The following CNBD1 variants were observed in gnomAD, a reference collection of about 807,000 sequenced individuals.
CNBD1 encodes cyclic nucleotide-binding domain-containing protein 1.
Under a neutral mutation model 54.4 loss-of-function variants are expected in CNBD1, and 71 were observed. The ratio of observed to expected loss-of-function variants is 1.30; its 90% CI spans 1.08 to 1.59. The LOEUF is 1.59. Ranked by LOEUF, CNBD1 falls within the 40% of genes most tolerant of loss-of-function variation. The pLI is 0.00. For synonymous variants in CNBD1, 182 were observed against 170.7 expected, an observed-to-expected ratio of 1.07 and a Z score of -0.51; for missense variants, 659 against 518.0, an observed-to-expected ratio of 1.27 and a Z score of -2.64.
chr8:87,275,377 T>A (rs1243070915), intron 6 of CNBD1, among the ~76,000 whole-genome samples: 1 of 151,808 alleles, frequency 6.6e-6, no homozygotes, highest in African/African-American at 2.4e-5. Context: ...GTATGGCCAT[T>A]TTCACGATAT....
intron 3 of CNBD1, among the ~76,000 whole-genome samples, chr8:86,931,841 CT>C (rs1055327334): frequency 6.6e-6 from 1 of 152,162 alleles, no homozygotes; most frequent in African/African-American, 2.4e-5. Context: ...AAGGCCTCCC[CT>C]AGCTGCTTGA....
intron 5 of CNBD1, among the ~76,000 whole-genome samples, chr8:87,233,655 G>C (rs1807512285): frequency 6.6e-6 from 1 of 151,968 alleles, no homozygotes; most frequent in South Asian, 2.1e-4. Flanking sequence ...TCTCCTTTTA[G>C]AGATAGTCTT....
chr8:87,225,310 CTGTCT>C, intron 5 of CNBD1, among the ~76,000 whole-genome samples: 1 of 150,428 alleles, frequency 6.6e-6, no homozygotes, highest in Middle Eastern at 3.4e-3. Context: ...GAGGGCATCC[CTGTCT>C]TGTGCCAGTT....
At chr8:87,317,175 A>G (rs1228405051) in intron 8 of CNBD1, among the ~76,000 whole-genome samples, 1 of 151,672 alleles carries the variant, frequency 6.6e-6, no homozygotes, top group East Asian at 1.9e-4. Context: ...AATTTTCTCC[A>G]TTGATTTTTC....
At chr8:86,918,296 T>G (rs935828612) in intron 3 of CNBD1, among the ~76,000 whole-genome samples, 1 of 152,182 alleles carries the variant, frequency 6.6e-6, no homozygotes, top group Admixed American at 6.5e-5. Flanking sequence ...TGAATGGAAG[T>G]GTTTGACAGA....
intron 4 of CNBD1, among the ~76,000 whole-genome samples, chr8:87,042,057 G>T (rs1810083333): frequency 6.6e-6 from 1 of 152,158 alleles, no homozygotes; most frequent in Non-Finnish European, 1.5e-5. Flanking sequence ...GAGAGGATTT[G>T]CTAATAAATT....
intron 1 of CNBD1, among the ~76,000 whole-genome samples, chr8:86,873,028 C>T (rs536575961): frequency 6.6e-5 from 10 of 151,710 alleles, no homozygotes; most frequent in Middle Eastern, 3.4e-3. Context: ...CAGTAAGCTA[C>T]GATCATGCTA....
chr8:87,060,058 G>T (rs752162322), intron 4 of CNBD1, among the ~76,000 whole-genome samples: 3 of 152,218 alleles, frequency 2.0e-5, no homozygotes, highest in Non-Finnish European at 2.9e-5. Flanking sequence ...TTCCTGGGAA[G>T]TTGCCCAGCC....
At chr8:87,312,705 G>T (rs1422469822) in intron 8 of CNBD1, among the ~76,000 whole-genome samples, 3 of 151,700 alleles carry the variant, frequency 2.0e-5, no homozygotes, top group Admixed American at 2.0e-4. Flanking sequence ...AGTATTTCGA[G>T]GTGTTTTTTT....
intron 4 of CNBD1, among the ~76,000 whole-genome samples, chr8:86,940,208 G>A (rs1393054744): frequency 7.7e-6 from 1 of 130,518 alleles, no homozygotes; most frequent in Non-Finnish European, 1.5e-5. Context: ...TCGGCTCACT[G>A]CAACCTCTGC....
intron 4 of CNBD1, among the ~76,000 whole-genome samples, chr8:87,175,047 C>G (rs1050205497): frequency 3.9e-5 from 6 of 152,286 alleles, no homozygotes; most frequent in African/African-American, 1.4e-4. Flanking sequence ...CTAGGTCTCA[C>G]TCAAGGCCCT....
At chr8:87,205,316 G>A (rs1383542018) in intron 4 of CNBD1, among the ~76,000 whole-genome samples, 1 of 152,130 alleles carries the variant, frequency 6.6e-6, no homozygotes, top group Non-Finnish European at 1.5e-5. Context: ...ACAGGCGTGA[G>A]CCACCACGCC....
chr8:87,289,608 A>T (rs1468163340), intron 8 of CNBD1, among the ~76,000 whole-genome samples: 1 of 152,154 alleles, frequency 6.6e-6, no homozygotes, highest in African/African-American at 2.4e-5. Flanking sequence ...GTAGGATTTG[A>T]TATAGCAAAC....
chr8:87,219,654 G>A (rs1814285120), intron 5 of CNBD1, among the ~76,000 whole-genome samples: 1 of 151,950 alleles, frequency 6.6e-6, no homozygotes, highest in African/African-American at 2.4e-5. Context: ...TGAACAGTTG[G>A]ATGGACAAGT....
chr8:87,129,942 G>A (rs2130725231), intron 4 of CNBD1, among the ~76,000 whole-genome samples: 1 of 152,256 alleles, frequency 6.6e-6, no homozygotes, highest in East Asian at 1.9e-4. Flanking sequence ...CAATCATGGT[G>A]GAAGGCAAGG....
chr8:87,058,976 A>G (rs894191089), intron 4 of CNBD1, among the ~76,000 whole-genome samples: 1 of 152,196 alleles, frequency 6.6e-6, no homozygotes, highest in African/African-American at 2.4e-5. Flanking sequence ...TCACCTCTTA[A>G]ACACTTTACT....
chr8:87,075,652 T>A (rs1451406624), intron 4 of CNBD1, among the ~76,000 whole-genome samples: 1 of 152,160 alleles, frequency 6.6e-6, no homozygotes, highest in Non-Finnish European at 1.5e-5. Context: ...TCTTTGGCCA[T>A]AGCACCTGAT....
At chr8:87,118,617 T>C (rs1442032957) in intron 4 of CNBD1, among the ~76,000 whole-genome samples, 1 of 152,086 alleles carries the variant, frequency 6.6e-6, no homozygotes, top group Non-Finnish European at 1.5e-5. Context: ...CATGGGATCA[T>C]AGAGATAAGG....
At chr8:87,027,258 T>C (rs2974274) in intron 4 of CNBD1, among the ~76,000 whole-genome samples, 20,819 of 151,856 alleles carry the variant, frequency 0.14, 1,889 homozygotes, top group East Asian at 0.37. Context: ...CCCATGGCAG[T>C]TTTATTTTTA....
Sources: allele counts gnomAD v4.1 joint callset (sites outside exome capture counted in the v4.1 genomes callset), GRCh38; gene constraint gnomAD v4.1.1; transcripts MANE v1.5; gene names NCBI Gene and HGNC (gene_info 2026-07-23, HGNC 2026-07-21).